The following DYNC1H1 variants were observed in gnomAD, a reference collection of about 807,000 sequenced individuals.
The protein encoded by DYNC1H1 is cytoplasmic dynein 1 heavy chain 1.
In DYNC1H1, 51 loss-of-function variants were observed where a neutral mutation model predicts 527.1. That is an observed-to-expected ratio of 0.10 (90% confidence interval 0.08 to 0.12). DYNC1H1 has a LOEUF of 0.12. Among genes scored for constraint, DYNC1H1 ranks in the 10% least tolerant of loss-of-function variants. The pLI, the probability that DYNC1H1 is intolerant of heterozygous loss-of-function variation, is 1.00. For missense variants in DYNC1H1, 2,771 were observed against 5,971.8 expected, an observed-to-expected ratio of 0.46 and a Z score of 17.66; for synonymous variants, 2,189 against 2,278.8, an observed-to-expected ratio of 0.96 and a Z score of 1.12.
intron 10 of DYNC1H1, 119 bp downstream of exon 10, chr14:101,988,971 G>A (rs569824968): frequency 7.3e-7 from 1 of 1,369,824 alleles, no homozygotes; most frequent in African/African-American, 1.4e-5. Flanking sequence ...CCTTAACCAG[G>A]TGATGAAGGT....
In DYNC1H1 at chr14:102,005,053, G is replaced by A. The variant is rs756473839; in HGVS notation, c.5250G>A (p.Val1750=). The A allele has an allele frequency of 5.6e-6, 9 of 1,614,182 alleles. No homozygotes were observed. Among genetic ancestry groups the A allele is most frequent in the Non-Finnish European group, 6.8e-6 (8 of 1,180,036 alleles). Residue 1750 remains valine (V), a synonymous_variant, in exon 26 of 78, where the codon GTG becomes GTA. Transcript: ENST00000360184. This position sits in a 1 kb window ranked among gnomAD's most constrained non-coding sequence, Gnocchi z 4.0. ...TWIDKYQAQL[V]VLSAQIAWSE... Reference sequence around the variant, plus strand: ...TCTGTGTCTTTCAGGCCCAGCTTGTGGTTTTGTCAGCCCAGATAGCCTGGT... The same window carrying A: ...TCTGTGTCTTTCAGGCCCAGCTTGTAGTTTTGTCAGCCCAGATAGCCTGGT...
At chr14:102,037,082 A>C (rs1250880873) in intron 57 of DYNC1H1, 1 of 220,228 alleles carries the variant, frequency 4.5e-6, no homozygotes, top group African/African-American at 2.5e-5. Context: ...GGGAGACAGA[A>C]AGAGACTGTA....
At position 101,965,838 on chromosome 14, in the gene DYNC1H1, G is replaced by C. The variant is rs2047661446; in HGVS notation, c.256+891G>C. ...GATTAAAAAAAAAAAAAAAGATTCA[G>C]GTTAGGCACCTAGTAGGGGGAAGAG... On this transcript the variant is annotated intron_variant, in intron 1 of 77. Coordinates refer to ENST00000360184, the MANE Select transcript of DYNC1H1 (RefSeq NM_001376.5). This position sits in a 1 kb window ranked among gnomAD's most constrained non-coding sequence, Gnocchi z 4.1. Among the ~76,000 whole-genome samples, 1 of 151,828 alleles carries C rather than the reference G, an allele frequency of 6.6e-6. No individual in the cohort carries two copies. Among genetic ancestry groups the C allele is most frequent in the South Asian group, 2.1e-4 (1 of 4,826 alleles).
chr14:102,000,817 G>A lies in DYNC1H1; in HGVS notation c.4075-137G>A, dbSNP rs2048122488. ...TCGAACTCCCGACCTCAAGTGATCT[G>A]CTCGCCCGGCCTCCCAAAGTGCTGG... On this transcript the variant is annotated intron_variant, in intron 18 of 77. Transcript: ENST00000360184. The A allele has an allele frequency of 5.3e-5, 41 of 768,232 alleles. No homozygotes were observed. The East Asian group carries it at 1.1e-3, about 20-fold the overall frequency. The allele number at this position is 768,232 out of a possible 1,614,324, so 47.6% of individuals were successfully genotyped here.
In DYNC1H1 at chr14:102,039,816, TTC is replaced by T; in HGVS notation, c.11690+86_11690+87del. On this transcript the variant is annotated intron_variant, in intron 62 of 77. Coordinates refer to ENST00000360184, the MANE Select transcript of DYNC1H1 (RefSeq NM_001376.5). This position sits in a 1 kb window ranked among gnomAD's most constrained non-coding sequence, Gnocchi z 7.0. ...ATGATCAGATACATGCTTTTATTAT[TTC>T]TTTTATTTTCTCTTTTATTTTCTTT... 1.4e-6 allele frequency: 2 copies of T among 1,413,282 alleles called. No homozygotes were observed. Among genetic ancestry groups the T allele is most frequent in the Non-Finnish European group, 2.0e-6 (2 of 1,020,364 alleles). 87.5% of individuals were successfully genotyped at this position (1,413,282 alleles called of 1,614,324 possible).
At position 102,000,151 on chromosome 14, in the gene DYNC1H1, A is replaced by G; in HGVS notation, c.3960+7A>G. The G allele has an allele frequency of 1.2e-6, 2 of 1,614,122 alleles. No individual in the cohort carries two copies. Among genetic ancestry groups the G allele is most frequent in the Non-Finnish European group, 1.7e-6 (2 of 1,180,010 alleles). ...CAGTGAAGAGCGCGTGCAGGTATGA[A>G]CCACTGGGGAGTGGGTGGAGAATCC... On this transcript the variant is annotated splice_region_variant and intron_variant, in intron 17 of 77. Transcript: ENST00000360184.
In DYNC1H1 at chr14:102,033,261, C is replaced by T; in HGVS notation, c.10198-8C>T. The T allele has an allele frequency of 6.2e-7, 1 of 1,614,194 alleles. No individual in the cohort carries two copies. The highest frequency in any genetic ancestry group is 1.1e-5 in the South Asian group (1 of 91,080). On this transcript the variant is annotated splice_region_variant and splice_polypyrimidine_tract_variant and intron_variant, in intron 53 of 77. Transcript: ENST00000360184. This position sits in a 1 kb window ranked among gnomAD's most constrained non-coding sequence, Gnocchi z 5.6. ...CTTAAATAACAGTTATCAATTGGTT[C>T]TTCCCAGCTTAACTATGCAGACATG...
intron 1 of DYNC1H1, among the ~76,000 whole-genome samples, chr14:101,970,509 G>A (rs1417710307): frequency 4.4e-5 from 5 of 114,834 alleles, no homozygotes; most frequent in South Asian, 5.5e-4. Flanking sequence ...TTGAGATGGC[G>A]TCTTGCTCTG....
Position 102,050,585 on chromosome 14 carries a change from T to C in DYNC1H1, c.*22T>C. ...GTAAACTTTTCTAGCTGCCCCTTTC[T>C]GTAATAGTGAAAGTTGGTATTTAAC... On this transcript the variant is annotated 3_prime_UTR_variant, in exon 78 of 78. Coordinates refer to ENST00000360184, the MANE Select transcript of DYNC1H1 (RefSeq NM_001376.5). 1.2e-6 allele frequency: 2 copies of C among 1,614,184 alleles called. No individual in the cohort carries two copies.
chr14:102,006,452 C>G (rs2048197671), intron 27 of DYNC1H1, among the ~76,000 whole-genome samples: 2 of 152,170 alleles, frequency 1.3e-5, no homozygotes, highest in Admixed American at 1.3e-4. Flanking sequence ...CCAGGCTGGT[C>G]TCGAACTCCT....
chr14:102,024,326 A>T (rs1323399782), intron 43 of DYNC1H1, among the ~76,000 whole-genome samples: 2 of 152,176 alleles, frequency 1.3e-5, no homozygotes, highest in Admixed American at 1.3e-4. Flanking sequence ...CATGCATTTC[A>T]TTGAGGAGCC....
chr14:101,965,070 T>C lies in DYNC1H1; in HGVS notation c.256+123T>C. 9.2e-7 allele frequency: 1 copy of C among 1,084,556 alleles called. No individual in the cohort carries two copies. 67.2% of individuals were successfully genotyped at this position (1,084,556 alleles called of 1,614,324 possible). On this transcript the variant is annotated intron_variant, in intron 1 of 77. Transcript: ENST00000360184. The surrounding 1 kb of genome is among the most constrained non-coding windows in gnomAD (Gnocchi z 4.1). ...GAGCCCGGCAGCTGCAGATGACCCC[T>C]GGATGGGCAGAGCCCGGCGGCCGCA...
chr14:102,015,431 C>A lies in DYNC1H1; in HGVS notation c.7242+99C>A. The A allele has an allele frequency of 7.4e-7, 1 of 1,347,374 alleles. No individual in the cohort carries two copies. The highest frequency in any genetic ancestry group is 1.0e-6 in the Non-Finnish European group (1 of 985,824). 83.5% of individuals were successfully genotyped at this position (1,347,374 alleles called of 1,614,324 possible). A position where few individuals can be genotyped will look rare whatever the true frequency, so the allele number is the denominator to read the frequency against. On this transcript the variant is annotated intron_variant, in intron 35 of 77. Coordinates refer to ENST00000360184, the MANE Select transcript of DYNC1H1 (RefSeq NM_001376.5). This position sits in a 1 kb window ranked among gnomAD's most constrained non-coding sequence, Gnocchi z 6.9. ...CCCACGCTGGTCTTGAACTCCTGGG[C>A]CCAAGCAATCCACCTGCCTTGGCCT...
intron 50 of DYNC1H1, 94 bp downstream of exon 50, chr14:102,030,032 T>C: frequency 6.2e-7 from 1 of 1,605,740 alleles, no homozygotes; most frequent in African/African-American, 1.4e-5. Context: ...GTCTTAGGGT[T>C]AGAGAGAGGG....
chr14:102,030,329 CGT>C, intron 51 of DYNC1H1, 47 bp downstream of exon 51: 1 of 1,613,540 alleles, frequency 6.2e-7, no homozygotes, highest in Non-Finnish European at 8.5e-7. Context: ...GGGTGGTCTC[CGT>C]CAACATTACT....
intron 1 of DYNC1H1, among the ~76,000 whole-genome samples, chr14:101,973,350 G>T (rs910136268): frequency 6.6e-6 from 1 of 151,986 alleles, no homozygotes; most frequent in Admixed American, 6.6e-5. Flanking sequence ...AGTAGGTATA[G>T]GGTTTCACCA....
In DYNC1H1 at chr14:102,041,704, G is replaced by A. The variant is rs537688769; in HGVS notation, c.12072G>A (p.Pro4024=). 29 of 1,614,142 alleles carry A rather than the reference G, an allele frequency of 1.8e-5. No individual in the cohort carries two copies. The highest frequency in any genetic ancestry group is 1.6e-4 in the Middle Eastern group (1 of 6,062). ...CTTTCATGTCCATCATGGAGCAGCC[G>A]CTCGACCTGACCCACATTGTGGGCA... ...GESFMSIMEQ[P]LDLTHIVGTE... The change falls in exon 65 of 78, where the codon CCG becomes CCA. Residue 4024 remains proline (P), a synonymous_variant. Transcript: ENST00000360184. This position sits in a 1 kb window ranked among gnomAD's most constrained non-coding sequence, Gnocchi z 4.5.
intron 64 of DYNC1H1, 197 bp downstream of exon 64, chr14:102,040,870 G>A: frequency 1.5e-6 from 1 of 655,692 alleles, no homozygotes; most frequent in Non-Finnish European, 2.7e-6. Context: ...AAAGCAGGAA[G>A]GTCACTTGAG....
In DYNC1H1 at chr14:101,980,456, G is replaced by A. The variant is rs1275105268; in HGVS notation, c.867G>A (p.Gln289=). 1.9e-6 allele frequency: 3 copies of A among 1,614,098 alleles called. No homozygotes were observed. Among genetic ancestry groups the A allele is most frequent in the Non-Finnish European group, 2.5e-6 (3 of 1,180,054 alleles). ...LNLERALYRI[Q]EKRESPEVLL... The stretch of plus-strand genomic sequence containing the variant: ...TGGAACGTGCGTTATACCGCATCCA[G>A]GAGAAACGGGAGAGCCCGGAAGTTC... The change falls in exon 5 of 78, where the codon CAG becomes CAA. Residue 289 remains glutamine (Q), a synonymous_variant. Coordinates refer to ENST00000360184, the MANE Select transcript of DYNC1H1 (RefSeq NM_001376.5).
Sources: allele counts gnomAD v4.1 joint callset (sites outside exome capture counted in the v4.1 genomes callset), GRCh38; gene constraint gnomAD v4.1.1; non-coding constraint Gnocchi (gnomAD v3.1); transcripts MANE v1.5; gene names NCBI Gene and HGNC (gene_info 2026-07-23, HGNC 2026-07-21).